The following GRIN2B variants were observed in gnomAD, a reference collection of about 807,000 sequenced individuals.
GRIN2B encodes the protein glutamate ionotropic receptor NMDA type subunit 2B.
A neutral mutation model predicts 114.5 loss-of-function variants in GRIN2B; 5 were observed. The ratio of observed to expected loss-of-function variants is 0.04; its 90% CI spans 0.02 to 0.09. The LOEUF (loss-of-function observed/expected upper bound fraction) is 0.09. GRIN2B is among the 10% of genes least tolerant of loss of function. The probability of loss-of-function intolerance (pLI) is 1.00; values close to 1 mark genes in which losing one functional copy is unlikely to be tolerated. For missense variants in GRIN2B, 1,108 were observed against 1,943.5 expected, an observed-to-expected ratio of 0.57 and a Z score of 8.08; for synonymous variants, 787 against 745.1, an observed-to-expected ratio of 1.06 and a Z score of -0.92.
At position 13,723,132 on chromosome 12, in the gene GRIN2B, CTT is replaced by C. The variant is rs5796556; in HGVS notation, c.1010+30183_1010+30184del. ...GGAGCCTCTGAATAAATGCTTACAC[CTT>C]TTTTTTTTGTTTTTTATTATTATAC... On this transcript the variant is annotated intron_variant, in intron 4 of 13. Coordinates refer to ENST00000609686, the MANE Select transcript of GRIN2B (RefSeq NM_000834.5). Among the ~76,000 whole-genome samples the C allele has an allele frequency of 8.1e-5, 12 of 148,088 alleles. No homozygotes were observed. The East Asian group carries it at 1.8e-3, about 23-fold the overall frequency.
chr12:13,638,119 A>G (rs1949681643), intron 5 of GRIN2B, among the ~76,000 whole-genome samples: 1 of 152,136 alleles, frequency 6.6e-6, no homozygotes, highest in African/African-American at 2.4e-5. Flanking sequence ...GCCAAAGACA[A>G]CATAAGAGAA....
rs1948524061 is a variant in GRIN2B, at chr12:13,560,200, C to T, written c.*2583G>A. ...AATTACTTTCCCCTGGCTTTTTCACCATAGTGGCCTCCATGAGCATTCGCT... is the reference window on the plus strand; with the variant it reads ...AATTACTTTCCCCTGGCTTTTTCACTATAGTGGCCTCCATGAGCATTCGCT... On this transcript the variant is annotated 3_prime_UTR_variant, in exon 14 of 14. Coordinates refer to ENST00000609686, the MANE Select transcript of GRIN2B (RefSeq NM_000834.5). The T allele has an allele frequency of 6.6e-6, 1 of 152,132 alleles. No individual in the cohort carries two copies. The highest frequency in any genetic ancestry group is 2.4e-5 in the African/African-American group (1 of 41,404). 9.4% of individuals were successfully genotyped at this position (152,132 alleles called of 1,614,324 possible). A position where few individuals can be genotyped will look rare whatever the true frequency, so the allele number is the denominator to read the frequency against.
At chr12:13,866,276 C>A in intron 2 of GRIN2B, 50 bp from the exon 3 acceptor site, 5 of 1,531,184 alleles carry the variant, frequency 3.3e-6, no homozygotes, top group Non-Finnish European at 4.5e-6. Context: ...CATCACGTAA[C>A]CTGTCTTAGA....
chr12:13,708,728 A>G (rs1448499980), intron 4 of GRIN2B, among the ~76,000 whole-genome samples: 3 of 152,080 alleles, frequency 2.0e-5, no homozygotes. Flanking sequence ...AGGTTAATCA[A>G]CTTATCCAAG....
chr12:13,726,655 A>AT (rs142748276), intron 4 of GRIN2B, among the ~76,000 whole-genome samples: 3,189 of 150,870 alleles, frequency 0.021, 109 homozygotes, highest in African/African-American at 0.073. Flanking sequence ...AATTTCATGT[A>AT]TTTTTTTAAA....
At chr12:13,686,698 T>C (rs1002056026) in intron 4 of GRIN2B, among the ~76,000 whole-genome samples, 1 of 152,164 alleles carries the variant, frequency 6.6e-6, no homozygotes, top group Non-Finnish European at 1.5e-5. Flanking sequence ...CAGACTTCAC[T>C]CCTTAACCCT....
intron 5 of GRIN2B, among the ~76,000 whole-genome samples, chr12:13,623,538 C>T (rs1949538653): frequency 6.6e-6 from 1 of 152,238 alleles, no homozygotes; most frequent in Non-Finnish European, 1.5e-5. Context: ...CTCCTTGCCT[C>T]ACAGTGAGCG....
At chr12:13,744,857 G>A (rs923248815) in intron 4 of GRIN2B, among the ~76,000 whole-genome samples, 11 of 152,146 alleles carry the variant, frequency 7.2e-5, no homozygotes, top group Non-Finnish European at 1.6e-4. Context: ...TCTGAAAGCC[G>A]AGGGAAGGTT....
intron 4 of GRIN2B, among the ~76,000 whole-genome samples, chr12:13,706,795 C>T (rs908866116): frequency 1.3e-5 from 2 of 152,088 alleles, no homozygotes; most frequent in African/African-American, 2.4e-5. Context: ...CAAAGTAAAT[C>T]GGAGCAGGAG....
At position 13,888,347 on chromosome 12, in the gene GRIN2B, C is replaced by T. The variant is rs191506962; in HGVS notation, c.-18-22121G>A. ...TATAGCCTGTTACTGTGCTGAATAC[C>T]GTAGGCACTTGTAACACGATGGTAA... On this transcript the variant is annotated intron_variant, in intron 2 of 13. Transcript: ENST00000609686. Among the ~76,000 whole-genome samples the T allele has an allele frequency of 1.0e-3, 154 of 151,902 alleles. 2 individuals carry two copies. Among genetic ancestry groups the T allele is most frequent in the Non-Finnish European group, 1.4e-3 (97 of 67,984 alleles).
intron 2 of GRIN2B, 88 bp from the exon 3 acceptor site, chr12:13,866,314 C>T (rs925739630): frequency 1.8e-6 from 2 of 1,134,792 alleles, no homozygotes; most frequent in African/African-American, 3.0e-5. Context: ...ATTCAAGGAC[C>T]TTATCTCCTT....
intron 4 of GRIN2B, among the ~76,000 whole-genome samples, chr12:13,730,876 T>G (rs1009065730): frequency 6.6e-6 from 1 of 152,164 alleles, no homozygotes; most frequent in Non-Finnish European, 1.5e-5. Context: ...TCTACCACAT[T>G]TGACATGACT....
chr12:13,613,825 A>C (rs1466049961), intron 8 of GRIN2B, among the ~76,000 whole-genome samples: 1 of 152,106 alleles, frequency 6.6e-6, no homozygotes. Flanking sequence ...TCTTATCCCT[A>C]TAACTAACTG....
At chr12:13,877,485 T>C (rs1370848131) in intron 2 of GRIN2B, among the ~76,000 whole-genome samples, 1 of 152,206 alleles carries the variant, frequency 6.6e-6, no homozygotes, top group Non-Finnish European at 1.5e-5. Context: ...ACATTACCTG[T>C]GTAACTGAGC....
At chr12:13,962,919 A>G (rs573848612) in intron 2 of GRIN2B, among the ~76,000 whole-genome samples, 19 of 152,326 alleles carry the variant, frequency 1.2e-4, no homozygotes, top group African/African-American at 4.3e-4. Context: ...GCAGTTAGAC[A>G]GACCCTCTGT....
chr12:13,799,476 T>G (rs1249975957), intron 3 of GRIN2B, among the ~76,000 whole-genome samples: 2 of 152,080 alleles, frequency 1.3e-5, no homozygotes, highest in Admixed American at 6.6e-5. Flanking sequence ...ACCAAATACT[T>G]TCATATCACA....
chr12:13,889,605 G>A (rs1444117098), intron 2 of GRIN2B, among the ~76,000 whole-genome samples: 1 of 152,100 alleles, frequency 6.6e-6, no homozygotes, highest in East Asian at 1.9e-4. Flanking sequence ...ACCTTAAAAT[G>A]AATAAAAAGG....
chr12:13,813,850 C>T (rs1475029490), intron 3 of GRIN2B, among the ~76,000 whole-genome samples: 2 of 152,162 alleles, frequency 1.3e-5, no homozygotes, highest in African/African-American at 2.4e-5. Flanking sequence ...TCTTGAGTTG[C>T]TTTCTTTTTT....
At chr12:13,897,119 C>G (rs1209082457) in intron 2 of GRIN2B, among the ~76,000 whole-genome samples, 1 of 152,126 alleles carries the variant, frequency 6.6e-6, no homozygotes, top group South Asian at 2.1e-4. Context: ...GCCACTCCCC[C>G]TCCTACTCGC....
Sources: allele counts gnomAD v4.1 joint callset (sites outside exome capture counted in the v4.1 genomes callset), GRCh38; gene constraint gnomAD v4.1.1; transcripts MANE v1.5; gene names NCBI Gene and HGNC (gene_info 2026-07-23, HGNC 2026-07-21).